HDAC9: variants seen among roughly 807,000 people sequenced by gnomAD.
HDAC9 encodes histone deacetylase 9.
HDAC9 carries 41 observed loss-of-function variants against 139.4 expected under a neutral mutation model. The observed-to-expected ratio is 0.29, with a 90% CI of 0.23 to 0.38. The LOEUF is 0.38. Ranked by LOEUF, HDAC9 falls within the 10% of genes least tolerant of loss-of-function variation. HDAC9 has a pLI of 1.00. For missense variants in HDAC9, 1,147 were observed against 1,297.0 expected, an observed-to-expected ratio of 0.88 and a Z score of 1.78; for synonymous variants, 517 against 476.2, an observed-to-expected ratio of 1.09 and a Z score of -1.12.
intron 22 of HDAC9, among the ~76,000 whole-genome samples, chr7:18,907,907 A>G (rs888738293): frequency 6.6e-6 from 1 of 152,132 alleles, no homozygotes; most frequent in Non-Finnish European, 1.5e-5. Context: ...GTATCATCAT[A>G]ATGTATTTTA....
intron 17 of HDAC9, among the ~76,000 whole-genome samples, chr7:18,818,797 GT>G (rs1335456338): frequency 6.6e-6 from 1 of 152,146 alleles, no homozygotes; most frequent in Non-Finnish European, 1.5e-5. Context: ...GTTGGAATTA[GT>G]AGCAGTTCTT....
At chr7:18,836,100 T>C in intron 21 of HDAC9, 103 bp downstream of exon 21, 1 of 640,282 alleles carries the variant, frequency 1.6e-6, no homozygotes, top group Non-Finnish European at 2.7e-6. Flanking sequence ...TTAAGGTAAA[T>C]TATCGCTCAA....
intron 16 of HDAC9, among the ~76,000 whole-genome samples, chr7:18,772,600 C>T (rs1006636354): frequency 3.3e-5 from 5 of 151,998 alleles, no homozygotes; most frequent in African/African-American, 1.2e-4. Context: ...CTGTTGCTAT[C>T]AAAGAGGTAT....
intron 13 of HDAC9, among the ~76,000 whole-genome samples, chr7:18,732,098 G>C (rs1449618392): frequency 6.6e-6 from 1 of 152,186 alleles, no homozygotes; most frequent in African/African-American, 2.4e-5. Context: ...AACCTCAGGT[G>C]ATCCACCCGC....
intron 1 of HDAC9, among the ~76,000 whole-genome samples, chr7:18,108,744 C>T (rs1783403175): frequency 6.6e-6 from 1 of 151,582 alleles, no homozygotes; most frequent in Non-Finnish European, 1.5e-5. Context: ...GCCTCAGCTT[C>T]CTGAGTAGCT....
At chr7:18,309,830 G>A (rs557627363) in intron 1 of HDAC9, among the ~76,000 whole-genome samples, 2 of 152,130 alleles carry the variant, frequency 1.3e-5, no homozygotes, top group South Asian at 4.2e-4. Context: ...AATATCTAGA[G>A]TTTTAAAAAA....
intron 1 of HDAC9, among the ~76,000 whole-genome samples, chr7:18,450,677 G>A (rs1471841342): frequency 6.6e-6 from 1 of 152,100 alleles, no homozygotes; most frequent in African/African-American, 2.4e-5. Flanking sequence ...AGAACTCAGA[G>A]GTCTGACTTG....
intron 1 of HDAC9, among the ~76,000 whole-genome samples, chr7:18,329,769 A>G (rs1306405265): frequency 1.3e-5 from 2 of 151,668 alleles, no homozygotes; most frequent in African/African-American, 4.8e-5. Flanking sequence ...TCCATTTCAC[A>G]TTACACTCTC....
chr7:18,900,405 C>A (rs1801591285), intron 22 of HDAC9, among the ~76,000 whole-genome samples: 1 of 152,078 alleles, frequency 6.6e-6, no homozygotes, highest in Admixed American at 6.6e-5. Flanking sequence ...CCTTAATCAC[C>A]CCATGTGGCT....
chr7:18,215,934 A>G (rs1768624981), intron 2 of HDAC9, among the ~76,000 whole-genome samples: 1 of 152,148 alleles, frequency 6.6e-6, no homozygotes, highest in Non-Finnish European at 1.5e-5. Context: ...CTGGTATATC[A>G]TATTCATATG....
chr7:18,333,222 G>T (rs1781333901), intron 1 of HDAC9, among the ~76,000 whole-genome samples: 1 of 151,468 alleles, frequency 6.6e-6, no homozygotes, highest in Non-Finnish European at 1.5e-5. Flanking sequence ...AATAGAGAAT[G>T]TTAAAACAGT....
chr7:18,822,353 G>A (rs573115160), intron 17 of HDAC9, among the ~76,000 whole-genome samples: 1 of 151,768 alleles, frequency 6.6e-6, no homozygotes, highest in African/African-American at 2.4e-5. Flanking sequence ...TTTGTTTGTT[G>A]TTGTTGTTGT....
chr7:18,835,477 A>G lies in HDAC9; in HGVS notation c.2477A>G (p.His826Arg). The change falls in exon 20 of 26, where the codon CAT (histidine) becomes CGT (arginine). Residue 826 changes from histidine (H) to arginine (R), a missense_variant. By Grantham distance (29) the His-to-Arg change is conservative. Coordinates refer to ENST00000686413, the MANE Select transcript of HDAC9 (RefSeq NM_178425.4). ...TTCATTTCCCTGTAGGATGTTCACC[A>G]TGGAAACGGTACCCAGCAGGCCTTT... is the stretch of plus-strand genomic sequence containing the variant. ...KILIVDLDVH[H>R]GNGTQQAFYA... 1 of 1,613,354 alleles carries G rather than the reference A, an allele frequency of 6.2e-7. No homozygotes were observed. Among genetic ancestry groups the G allele is most frequent in the Non-Finnish European group, 8.5e-7 (1 of 1,179,458 alleles).
At chr7:18,753,256 GACTCTT>G (rs1448732234) in intron 14 of HDAC9, among the ~76,000 whole-genome samples, 2 of 152,026 alleles carry the variant, frequency 1.3e-5, no homozygotes, top group Non-Finnish European at 2.9e-5. Flanking sequence ...TGATTTTGAA[GACTCTT>G]ATTGATTGTG....
chr7:18,365,137 A>T (rs897379898), intron 1 of HDAC9, among the ~76,000 whole-genome samples: 9 of 152,002 alleles, frequency 5.9e-5, no homozygotes, highest in African/African-American at 2.2e-4. Flanking sequence ...AAGAGAGAAG[A>T]TATGTAATTA....
At chr7:18,956,191 C>A (rs1783132085) in intron 24 of HDAC9, among the ~76,000 whole-genome samples, 1 of 152,070 alleles carries the variant, frequency 6.6e-6, no homozygotes, top group Admixed American at 6.6e-5. Flanking sequence ...CACCACCCAA[C>A]AGTGATCACT....
At chr7:18,250,900 G>C (rs529348164) in intron 2 of HDAC9, among the ~76,000 whole-genome samples, 1 of 151,944 alleles carries the variant, frequency 6.6e-6, no homozygotes, top group South Asian at 2.1e-4. Context: ...TTTCATGTTT[G>C]TTGGGCACAT....
intron 8 of HDAC9, among the ~76,000 whole-genome samples, chr7:18,640,357 T>TTAA (rs1182761789): frequency 9.8e-4 from 65 of 66,082 alleles, no homozygotes; most frequent in Admixed American, 1.5e-3. Flanking sequence ...GATCCTGTCT[T>TTAA]AAAAAAAAAA....
intron 13 of HDAC9, among the ~76,000 whole-genome samples, chr7:18,739,594 G>C (rs1787252520): frequency 1.3e-5 from 2 of 152,284 alleles, no homozygotes; most frequent in African/African-American, 4.8e-5. Context: ...ACCAGTGAAG[G>C]CTGCAGAACA....
Sources: gnomAD v4.1 joint callset for allele counts (sites outside exome capture counted in the v4.1 genomes callset) on GRCh38, gnomAD v4.1.1 for gene constraint, MANE v1.5 for transcripts, NCBI Gene and HGNC (gene_info 2026-07-23, HGNC 2026-07-21) for gene names.